DLGAP2: variants seen among roughly 807,000 people sequenced by gnomAD.
The protein encoded by DLGAP2 is DLG associated protein 2.
Under a neutral mutation model 100.3 loss-of-function variants are expected in DLGAP2, and 26 were observed. That is an observed-to-expected ratio of 0.26 (90% CI 0.19 to 0.36). DLGAP2 has a LOEUF of 0.36. DLGAP2 is among the 10% of genes least tolerant of loss of function. DLGAP2 has a pLI of 1.00. For synonymous variants in DLGAP2, 886 were observed against 630.1 expected (o/e 1.41, Z -6.08); for missense variants, 1,858 against 1,453.2 (o/e 1.28, Z -4.53).
Position 1,668,612 on chromosome 8 carries a change from C to G in DLGAP2, c.2094C>G (p.Asp698Glu). 1 of 1,600,558 alleles carries G rather than the reference C, an allele frequency of 6.2e-7. No individual in the cohort carries two copies. The highest frequency in any genetic ancestry group is 8.5e-7 in the Non-Finnish European group (1 of 1,174,298). ...ESQSSSVRTS[D>E]KAILVSKAEE... The stretch of plus-strand genomic sequence containing the variant: ...AGAGCAGCTCTGTGCGGACCAGCGA[C>G]AAGGCCATCCTGGTGTCCAAGGCGG... Residue 698 changes from aspartate to glutamate, a missense_variant, in exon 9 of 15, where the codon GAC (aspartate) becomes GAG (glutamate). Asp to Glu is a conservative substitution (Grantham distance 45). Transcript: ENST00000637795.
intron 2 of DLGAP2, among the ~76,000 whole-genome samples, chr8:1,214,580 T>C (rs1339024534): frequency 6.6e-6 from 1 of 152,248 alleles, no homozygotes; most frequent in Non-Finnish European, 1.5e-5. Context: ...GGCCTCCTCC[T>C]CATTTATCCT....
intron 4 of DLGAP2, among the ~76,000 whole-genome samples, chr8:1,505,923 T>A (rs979219296): frequency 6.6e-6 from 1 of 152,230 alleles, no homozygotes; most frequent in African/African-American, 2.4e-5. Flanking sequence ...GATAAATGAA[T>A]GCAAAATGAA....
intron 1 of DLGAP2, among the ~76,000 whole-genome samples, chr8:813,959 A>G (rs1416166339): frequency 2.0e-5 from 3 of 152,184 alleles, no homozygotes; most frequent in Non-Finnish European, 4.4e-5. Flanking sequence ...CAGGACATCT[A>G]AAGGGAATCA....
intron 8 of DLGAP2, among the ~76,000 whole-genome samples, chr8:1,655,666 T>A (rs575363393): frequency 6.7e-6 from 1 of 148,710 alleles, no homozygotes; most frequent in Non-Finnish European, 1.5e-5. Context: ...AAGTGTAGAT[T>A]GTGGAGCAGT....
At chr8:830,516 A>T (rs1200672393) in intron 1 of DLGAP2, among the ~76,000 whole-genome samples, 1 of 152,038 alleles carries the variant, frequency 6.6e-6, no homozygotes, top group African/African-American at 2.4e-5. Context: ...GGTTGTTTTA[A>T]TTTTTAACAT....
chr8:1,362,004 TG>T (rs753006751), intron 3 of DLGAP2, among the ~76,000 whole-genome samples: 2 of 152,218 alleles, frequency 1.3e-5, no homozygotes, highest in Non-Finnish European at 2.9e-5. Context: ...AGAGGTGGAA[TG>T]GCCCCTTCCG....
At chr8:1,229,610 A>T (rs1798492367) in intron 2 of DLGAP2, among the ~76,000 whole-genome samples, 2 of 152,148 alleles carry the variant, frequency 1.3e-5, no homozygotes, top group Non-Finnish European at 2.9e-5. Context: ...ATGAACACAG[A>T]TGCAAACATT....
At chr8:937,240 A>T (rs1282003844) in intron 2 of DLGAP2, among the ~76,000 whole-genome samples, 1 of 152,196 alleles carries the variant, frequency 6.6e-6, no homozygotes, top group Non-Finnish European at 1.5e-5. Flanking sequence ...AGTCCTCTCT[A>T]GTCATTATCA....
chr8:1,436,273 C>A (rs1797624577), intron 3 of DLGAP2, among the ~76,000 whole-genome samples: 1 of 152,330 alleles, frequency 6.6e-6, no homozygotes, highest in South Asian at 2.1e-4. Flanking sequence ...GGGCAAACCA[C>A]TGGTGTGAGT....
At chr8:1,589,203 T>C (rs760108517) in intron 6 of DLGAP2, among the ~76,000 whole-genome samples, 2 of 152,234 alleles carry the variant, frequency 1.3e-5, no homozygotes, top group Non-Finnish European at 2.9e-5. Context: ...AAAAGATAAC[T>C]GAAAAACATT....
chr8:880,153 G>T lies in DLGAP2; in HGVS notation c.19-27759G>T, dbSNP rs186566700. On this transcript the variant is annotated intron_variant, in intron 1 of 14. Transcript: ENST00000637795. ...GCATCCGTGGTGTTTGTGTTCACCT[G>T]TGTTCTTGGCCCCGCCCCTTCTCCC... Among the ~76,000 whole-genome samples, 291 of 152,254 alleles carry T rather than the reference G, an allele frequency of 1.9e-3. 1 individual carries two copies. Among genetic ancestry groups the T allele is most frequent in the Admixed American group, 0.016 (252 of 15,296 alleles).
chr8:836,585 G>T (rs1415705609), intron 1 of DLGAP2, among the ~76,000 whole-genome samples: 1 of 152,190 alleles, frequency 6.6e-6, no homozygotes, highest in East Asian at 1.9e-4. Flanking sequence ...CGTCTTGTGG[G>T]AATAAAGCCC....
intron 4 of DLGAP2, among the ~76,000 whole-genome samples, chr8:1,538,705 T>C (rs1366020890): frequency 6.6e-6 from 1 of 152,032 alleles, no homozygotes; most frequent in African/African-American, 2.4e-5. Context: ...CCATTGTCAT[T>C]CCAACCTCTC....
At chr8:1,583,047 A>G (rs1016541600) in intron 6 of DLGAP2, among the ~76,000 whole-genome samples, 1 of 152,246 alleles carries the variant, frequency 6.6e-6, no homozygotes, top group African/African-American at 2.4e-5. Flanking sequence ...GAGCTGCAAA[A>G]GTGAATCTTA....
chr8:1,037,641 T>C (rs2129029379), intron 2 of DLGAP2, among the ~76,000 whole-genome samples: 1 of 152,318 alleles, frequency 6.6e-6, no homozygotes, highest in African/African-American at 2.4e-5. Flanking sequence ...GCTGACACAG[T>C]GTTTAGTGAG....
In DLGAP2 at chr8:1,480,094, C is replaced by T. The variant is rs145974274; in HGVS notation, c.107-21272C>T. Among the ~76,000 whole-genome samples the T allele has an allele frequency of 6.9e-3, 1,053 of 152,248 alleles. 11 individuals carry two copies. Among genetic ancestry groups the T allele is most frequent in the African/African-American group, 0.024 (987 of 41,538 alleles). ...AAGGGTTGGCAGTGAGTCCCAGGGACGCCCCGCGCAGTGCAGAGCCGAACC... is the reference window on the plus strand; with the variant it reads ...AAGGGTTGGCAGTGAGTCCCAGGGATGCCCCGCGCAGTGCAGAGCCGAACC... On this transcript the variant is annotated intron_variant, in intron 3 of 14. Transcript: ENST00000637795.
chr8:984,449 C>A (rs1800429608), intron 2 of DLGAP2, among the ~76,000 whole-genome samples: 1 of 152,294 alleles, frequency 6.6e-6, no homozygotes, highest in South Asian at 2.1e-4. Flanking sequence ...CTCAGAGGGC[C>A]CTGTTTCTAA....
rs1180994862 is a variant in DLGAP2, at chr8:1,206,542, T to G, written c.74-52309T>G. ...CAGCCATCCGTGGACTGGGGTAGAC[T>G]GTGAGCGGTTAATCTCCAGCCATCC... On this transcript the variant is annotated intron_variant, in intron 2 of 14. Coordinates refer to ENST00000637795, the MANE Select transcript of DLGAP2 (RefSeq NM_001346810.2). Among the ~76,000 whole-genome samples, 375 of 135,566 alleles carry G rather than the reference T, an allele frequency of 2.8e-3. 11 individuals are homozygous for G. The highest frequency in any genetic ancestry group is 6.3e-3 in the African/African-American group (230 of 36,710). The allele number at this position is 135,566 out of a possible 152,430, so 88.9% of individuals were successfully genotyped here.
chr8:1,610,282 A>G (rs1276117312), intron 6 of DLGAP2, among the ~76,000 whole-genome samples: 1 of 152,216 alleles, frequency 6.6e-6, no homozygotes, highest in Non-Finnish European at 1.5e-5. Flanking sequence ...CTGCTCCTGA[A>G]TGACTACTGG....
Sources: gnomAD v4.1 joint callset for allele counts (sites outside exome capture counted in the v4.1 genomes callset) on GRCh38, gnomAD v4.1.1 for gene constraint, MANE v1.5 for transcripts, NCBI Gene and HGNC (gene_info 2026-07-23, HGNC 2026-07-21) for gene names.